The following VPS52 variants were observed in gnomAD, a reference collection of about 807,000 sequenced individuals.
VPS52 encodes VPS52 subunit of GARP complex, also known as vacuolar protein sorting-associated protein 52 homolog.
A neutral mutation model predicts 98.7 loss-of-function variants in VPS52; 56 were observed. That is an observed-to-expected ratio of 0.57 (90% confidence interval 0.46 to 0.71). VPS52 has a LOEUF of 0.71. Ranked by LOEUF, VPS52 falls within the 30% of genes least tolerant of loss-of-function variation. VPS52 has a pLI of 0.00. For missense variants in VPS52, 742 were observed against 925.9 expected (o/e 0.80, Z 2.58); for synonymous variants, 348 against 346.4 (o/e 1.00, Z -0.05).
At chr6:33,257,674 C>T (rs966507704) in intron 17 of VPS52, among the ~76,000 whole-genome samples, 1 of 152,176 alleles carries the variant, frequency 6.6e-6, no homozygotes, top group African/African-American at 2.4e-5. Context: ...ACTGGGATTA[C>T]AGGCGTGAGC....
In VPS52 at chr6:33,270,290, A is replaced by C. The variant is rs996586217; in HGVS notation, c.91-7T>G. The stretch of plus-strand genomic sequence containing the variant: ...GGAGCCCAGGACCACCCGCCTGGAA[A>C]GGGATAAGTTAATGGGAGTAGGGTA... On this transcript the variant is annotated splice_polypyrimidine_tract_variant and splice_region_variant and intron_variant, in intron 1 of 19. Coordinates refer to ENST00000445902, the MANE Select transcript of VPS52 (RefSeq NM_022553.6). 11 of 1,610,564 alleles carry C rather than the reference A, an allele frequency of 6.8e-6. No homozygotes were observed. The highest frequency in any genetic ancestry group is 9.3e-6 in the Non-Finnish European group (11 of 1,177,026).
chr6:33,262,980 G>A (rs1016683089), intron 17 of VPS52, among the ~76,000 whole-genome samples: 1 of 151,860 alleles, frequency 6.6e-6, no homozygotes, highest in South Asian at 2.1e-4. Flanking sequence ...AGCACAACAG[G>A]GTGACTATAG....
intron 17 of VPS52, 53 bp downstream of exon 17, chr6:33,263,431 A>AGC (rs1763903133): frequency 5.0e-6 from 8 of 1,600,380 alleles, no homozygotes; most frequent in Middle Eastern, 1.7e-4. Context: ...AGAGAGAGAG[A>AGC]GAGCTGAAAA....
chr6:33,266,712 A>G lies in VPS52; in HGVS notation c.1126T>C (p.Tyr376His). Reference sequence around the variant, plus strand: ...CTGCGGAAGAGGGCCTCAAATGGATACTGGGAGAGGAGGAGTAAAGAAGAA... The same window carrying G: ...CTGCGGAAGAGGGCCTCAAATGGATGCTGGGAGAGGAGGAGTAAAGAAGAA... ...PHTAQRGEQRYPFEALFRSQH... is the reference protein window; with the variant it reads ...PHTAQRGEQRHPFEALFRSQH... Residue 376 changes from tyrosine to histidine, a missense_variant and splice_region_variant, in exon 12 of 20, where the codon TAT becomes CAT. By Grantham distance (83) the Tyr-to-His change is moderately conservative. Around this residue, in one of 2 missense-constraint regions of VPS52, gnomAD observed 590 missense variants for 793.3 expected, o/e 0.74. Transcript: ENST00000445902. 6.2e-7 allele frequency: 1 copy of G among 1,606,734 alleles called. No individual in the cohort carries two copies. Among genetic ancestry groups the G allele is most frequent in the Non-Finnish European group, 8.5e-7 (1 of 1,176,574 alleles).
chr6:33,264,017 T>C lies in VPS52; in HGVS notation c.1611A>G (p.Gly537=), dbSNP rs1463033865. ...CCTGTCCGACCCTCACCTGCAGCTG[T>C]CCCAGCAATTGCATGGTCCGTTCAT... ...IPNERTMQLL[G]QLQVEVENFV... Residue 537 remains glycine, a synonymous_variant, in exon 15 of 20, where the codon GGA becomes GGG. Coordinates refer to ENST00000445902, the MANE Select transcript of VPS52 (RefSeq NM_022553.6). 34 of 1,614,060 alleles carry C rather than the reference T, an allele frequency of 2.1e-5. No individual in the cohort carries two copies. The highest frequency in any genetic ancestry group is 2.9e-5 in the Non-Finnish European group (34 of 1,180,026).
chr6:33,264,433 G>T lies in VPS52; in HGVS notation c.1465C>A (p.Gln489Lys). 1 of 1,614,168 alleles carries T rather than the reference G, an allele frequency of 6.2e-7. No individual in the cohort carries two copies. Among genetic ancestry groups the T allele is most frequent in the South Asian group, 1.1e-5 (1 of 91,080 alleles). The change falls in exon 14 of 20, where the codon CAG becomes AAG. Residue 489 changes from glutamine to lysine, a missense_variant. By Grantham distance (53) the Gln-to-Lys change is moderately conservative. Around this residue, in one of 2 missense-constraint regions of VPS52, gnomAD observed 590 missense variants for 793.3 expected, o/e 0.74. Transcript: ENST00000445902. ...TGGGGGTCAGTGCTTCGGACGCTCTGAACATTCATCTCCAGGATCAGTTCA... is the reference window on the plus strand; with the variant it reads ...TGGGGGTCAGTGCTTCGGACGCTCTTAACATTCATCTCCAGGATCAGTTCA... ...RFELILEMNV[Q>K]SVRSTDPQRL... is the part of the protein sequence containing the mutation.
chr6:33,269,093 G>T lies in VPS52; in HGVS notation c.469C>A (p.Arg157=). The T allele has an allele frequency of 6.2e-7, 1 of 1,612,956 alleles. No individual in the cohort carries two copies. Among genetic ancestry groups the T allele is most frequent in the Non-Finnish European group, 8.5e-7 (1 of 1,179,998 alleles). ...LQEQSGAMNI[R]LRNRQAVRGK... ...CGAACTGCCTGGCGATTTCGAAGTC[G>T]AATGTTCATGGCTCCTGACTGTTCC... is the stretch of plus-strand genomic sequence containing the variant. Residue 157 remains arginine, a synonymous_variant, in exon 6 of 20, where the codon CGA becomes AGA. Coordinates refer to ENST00000445902, the MANE Select transcript of VPS52 (RefSeq NM_022553.6).
chr6:33,251,363 A>G, intron 19 of VPS52, 155 bp downstream of exon 19: 1 of 666,512 alleles, frequency 1.5e-6, no homozygotes, highest in Non-Finnish European at 2.6e-6. Context: ...AAAACAAACA[A>G]AAAAAAAAGA....
intron 17 of VPS52, among the ~76,000 whole-genome samples, chr6:33,257,153 C>G (rs1763087654): frequency 6.6e-6 from 1 of 151,898 alleles, no homozygotes; most frequent in Admixed American, 6.6e-5. Context: ...CCTCAGCTAC[C>G]TGAGTAGCAG....
In VPS52 at chr6:33,263,561, C is replaced by A. The variant is rs567604774; in HGVS notation, c.1729-12G>T. The A allele has an allele frequency of 6.2e-7, 1 of 1,614,100 alleles. No homozygotes were observed. The highest frequency in any genetic ancestry group is 2.2e-5 in the East Asian group (1 of 44,880). ...TCTGCAGCCCGCTCCTAAGGGAAGACAAAGGGAAATGTCTAGTTTGGGGAA... is the reference window on the plus strand; with the variant it reads ...TCTGCAGCCCGCTCCTAAGGGAAGAAAAAGGGAAATGTCTAGTTTGGGGAA... On this transcript the variant is annotated splice_polypyrimidine_tract_variant and intron_variant, in intron 16 of 19. Transcript: ENST00000445902.
At chr6:33,266,513 C>A in intron 12 of VPS52, 44 bp downstream of exon 12, 1 of 1,520,930 alleles carries the variant, frequency 6.6e-7, no homozygotes, top group South Asian at 1.3e-5. Flanking sequence ...CTGATGAAGA[C>A]TGGGGACAAA....
At chr6:33,259,082 C>T (rs771001443) in intron 17 of VPS52, among the ~76,000 whole-genome samples, 2 of 152,006 alleles carry the variant, frequency 1.3e-5, no homozygotes, top group Non-Finnish European at 2.9e-5. Context: ...TTACAGACTC[C>T]CTGAAGAGTA....
At chr6:33,260,512 C>G (rs1763498480) in intron 17 of VPS52, among the ~76,000 whole-genome samples, 1 of 152,124 alleles carries the variant, frequency 6.6e-6, no homozygotes, top group Non-Finnish European at 1.5e-5. Flanking sequence ...AGCAGCTTGG[C>G]AAAAGTCACC....
At chr6:33,265,390 G>A (rs1581604343) in intron 12 of VPS52, among the ~76,000 whole-genome samples, 1 of 152,004 alleles carries the variant, frequency 6.6e-6, no homozygotes, top group East Asian at 1.9e-4. Context: ...CGGCTTTAGA[G>A]ACAGGTTGTT....
In VPS52 at chr6:33,269,811, A is replaced by G; in HGVS notation, c.237T>C (p.Asp79=). The part of the protein sequence containing the change: ...LVKEALKTGV[D]LRHYSKQVEL... ...CAACTTGCTTTGAATAGTGACGGAG[A>G]TCTACACCCTGGGAGAACATAAAGA... is the stretch of plus-strand genomic sequence containing the variant. Residue 79 remains aspartate (D), a synonymous_variant, in exon 4 of 20, where the codon GAT becomes GAC. Transcript: ENST00000445902. The G allele has an allele frequency of 1.2e-6, 2 of 1,613,724 alleles. No homozygotes were observed. The highest frequency in any genetic ancestry group is 1.7e-6 in the Non-Finnish European group (2 of 1,179,942).
intron 17 of VPS52, chr6:33,254,901 C>T (rs968186934): frequency 6.6e-6 from 1 of 152,110 alleles, no homozygotes; most frequent in Non-Finnish European, 1.5e-5. Flanking sequence ...GTCTCAAACT[C>T]CTGGGCTCAA....
chr6:33,264,711 G>A, intron 13 of VPS52, 71 bp downstream of exon 13: 1 of 1,498,626 alleles, frequency 6.7e-7, no homozygotes, highest in Non-Finnish European at 9.3e-7. Flanking sequence ...GGAGTCTAAG[G>A]TCAGGGCAGA....
intron 17 of VPS52, among the ~76,000 whole-genome samples, chr6:33,258,204 A>G (rs752242202): frequency 4.6e-5 from 7 of 152,144 alleles, no homozygotes; most frequent in African/African-American, 1.7e-4. Context: ...CCTGGCCAAC[A>G]TGGCAAAACC....
At chr6:33,266,507 T>A in intron 12 of VPS52, 50 bp downstream of exon 12, 1 of 1,515,538 alleles carries the variant, frequency 6.6e-7, no homozygotes, top group Non-Finnish European at 8.9e-7. Flanking sequence ...ATGCTGCTGA[T>A]GAAGACTGGG....
Sources: allele counts gnomAD v4.1 joint callset (sites outside exome capture counted in the v4.1 genomes callset), GRCh38; gene constraint gnomAD v4.1.1; regional missense constraint gnomAD v4.1.1; transcripts MANE v1.5; gene names NCBI Gene and HGNC (gene_info 2026-07-23, HGNC 2026-07-21).